Variants in SHROOM3 observed in about 807,000 individuals in gnomAD.
SHROOM3 encodes the protein protein Shroom3.
In SHROOM3, 47 loss-of-function variants were observed where a neutral mutation model predicts 138.6. The observed-to-expected ratio is 0.34, with a 90% CI of 0.27 to 0.43. SHROOM3 has a LOEUF of 0.43. Ranked by LOEUF, SHROOM3 falls within the 20% of genes least tolerant of loss-of-function variation. The pLI, the probability that SHROOM3 is intolerant of heterozygous loss-of-function variation, is 1.00. For missense variants in SHROOM3, 2,491 were observed against 2,596.5 expected, an observed-to-expected ratio of 0.96 and a Z score of 0.88; for synonymous variants, 1,062 against 1,063.3, an observed-to-expected ratio of 1.00 and a Z score of 0.02.
At chr4:76,676,824 T>C (rs1719044335) in intron 2 of SHROOM3, among the ~76,000 whole-genome samples, 1 of 151,494 alleles carries the variant, frequency 6.6e-6, no homozygotes, top group Admixed American at 6.6e-5. Flanking sequence ...GCGCCTGTAG[T>C]CCCAGCTACT....
chr4:76,769,210 G>C (rs899045918), intron 9 of SHROOM3, among the ~76,000 whole-genome samples: 2 of 151,250 alleles, frequency 1.3e-5, no homozygotes, highest in African/African-American at 4.9e-5. Context: ...AGCCAGTTTG[G>C]GGTGTGCATG....
Position 76,756,409 on chromosome 4 carries a change from C to G in SHROOM3, c.4710-40C>G, listed in dbSNP as rs746844468. On this transcript the variant is annotated intron_variant, in intron 7 of 10. Transcript: ENST00000296043. ...CCTTCTCTTATCACTCTCTCTTTCT[C>G]TCTCTCTCTTTTTTTTTTTTTTTTA... 33 of 1,494,640 alleles carry G rather than the reference C, an allele frequency of 2.2e-5. No homozygotes were observed. The Middle Eastern group carries it at 6.9e-4, about 31-fold the overall frequency. 92.6% of individuals were successfully genotyped at this position (1,494,640 alleles called of 1,614,324 possible).
intron 2 of SHROOM3, among the ~76,000 whole-genome samples, chr4:76,701,035 T>C (rs1387884611): frequency 6.6e-6 from 1 of 152,210 alleles, no homozygotes; most frequent in African/African-American, 2.4e-5. Context: ...TCTGCCTGCT[T>C]TGGCCTCCCA....
At chr4:76,573,021 C>T (rs1281640247) in intron 2 of SHROOM3, among the ~76,000 whole-genome samples, 1 of 151,476 alleles carries the variant, frequency 6.6e-6, no homozygotes, top group East Asian at 1.9e-4. Context: ...GGAGAGGTTG[C>T]AGTGAGCTGA....
chr4:76,626,088 T>C (rs1411760690), intron 2 of SHROOM3, among the ~76,000 whole-genome samples: 1 of 152,210 alleles, frequency 6.6e-6, no homozygotes, highest in African/African-American at 2.4e-5. Flanking sequence ...GGCAGCTCTT[T>C]ATAGCATTAT....
intron 2 of SHROOM3, among the ~76,000 whole-genome samples, chr4:76,634,382 C>T (rs1014347969): frequency 6.6e-6 from 1 of 152,166 alleles, no homozygotes; most frequent in East Asian, 1.9e-4. Context: ...TTGTTCTAAT[C>T]TGAAAATGAC....
At chr4:76,747,640 T>C (rs2110139090) in intron 5 of SHROOM3, among the ~76,000 whole-genome samples, 1 of 152,264 alleles carries the variant, frequency 6.6e-6, no homozygotes, top group Non-Finnish European at 1.5e-5. Context: ...GGACCTAGGC[T>C]TTTCCAATTA....
chr4:76,586,496 C>T (rs375467647), intron 2 of SHROOM3: 7 of 980,402 alleles, frequency 7.1e-6, no homozygotes, highest in Middle Eastern at 5.3e-4. Context: ...CCAACGATTT[C>T]TCGATGACAT....
At chr4:76,480,570 A>G (rs1731587408) in intron 1 of SHROOM3, among the ~76,000 whole-genome samples, 1 of 152,186 alleles carries the variant, frequency 6.6e-6, no homozygotes, top group Non-Finnish European at 1.5e-5. Context: ...TCAATATTAG[A>G]TCAGTGAGAC....
chr4:76,774,953 A>G (rs1185848776), intron 10 of SHROOM3, among the ~76,000 whole-genome samples: 1 of 151,794 alleles, frequency 6.6e-6, no homozygotes, highest in Non-Finnish European at 1.5e-5. Flanking sequence ...AATTTTCCAC[A>G]ATCACTTTTT....
chr4:76,514,588 C>T (rs1365211181), intron 1 of SHROOM3, among the ~76,000 whole-genome samples: 3 of 152,108 alleles, frequency 2.0e-5, no homozygotes, highest in African/African-American at 7.2e-5. Context: ...AGTTCCACAA[C>T]TCTGTAAATA....
At position 76,482,182 on chromosome 4, in the gene SHROOM3, G is replaced by C. The variant is rs532950684; in HGVS notation, c.168+45962G>C. Among the ~76,000 whole-genome samples, 6 of 151,960 alleles carry C rather than the reference G, an allele frequency of 3.9e-5. No homozygotes were observed. In the South Asian group the frequency reaches 1.0e-3, roughly 26 times the overall value. On this transcript the variant is annotated intron_variant, in intron 1 of 10. Transcript: ENST00000296043. The stretch of plus-strand genomic sequence containing the variant: ...CAATCAGGCAAGAGAAAGAAATAAA[G>C]GGTATTCAAATAAGAAGAGAGGAAG...
chr4:76,526,260 G>A (rs998329812), intron 1 of SHROOM3, among the ~76,000 whole-genome samples: 11 of 152,236 alleles, frequency 7.2e-5, no homozygotes, highest in Admixed American at 4.6e-4. Context: ...CCAGCTACTC[G>A]GGAGGCTGAG....
At chr4:76,659,822 T>A (rs1185332041) in intron 2 of SHROOM3, among the ~76,000 whole-genome samples, 3 of 152,174 alleles carry the variant, frequency 2.0e-5, no homozygotes, top group Non-Finnish European at 4.4e-5. Context: ...CATCAGGTGA[T>A]CCACCCTTCT....
intron 2 of SHROOM3, among the ~76,000 whole-genome samples, chr4:76,622,057 C>T (rs1401768218): frequency 1.3e-5 from 2 of 152,022 alleles, no homozygotes; most frequent in Non-Finnish European, 2.9e-5. Context: ...TCTTGAACTC[C>T]TTACCTCAGG....
chr4:76,500,751 T>A (rs1732074495), intron 1 of SHROOM3, among the ~76,000 whole-genome samples: 1 of 152,088 alleles, frequency 6.6e-6, no homozygotes, highest in South Asian at 2.1e-4. Flanking sequence ...CATTTGAATA[T>A]CTTTGGTAAA....
intron 1 of SHROOM3, among the ~76,000 whole-genome samples, chr4:76,473,152 G>A (rs570232516): frequency 2.0e-5 from 3 of 152,282 alleles, no homozygotes; most frequent in Admixed American, 1.3e-4. Flanking sequence ...AGCAATCAAA[G>A]TTAAAATAGA....
chr4:76,467,351 T>C (rs911660348), intron 1 of SHROOM3, among the ~76,000 whole-genome samples: 1 of 152,094 alleles, frequency 6.6e-6, no homozygotes, highest in African/African-American at 2.4e-5. Context: ...CCAGCTCCCA[T>C]GTCATCATTT....
chr4:76,780,673 A>G lies in SHROOM3; in HGVS notation c.*1496A>G, dbSNP rs1722710738. 6.6e-6 allele frequency: 1 copy of G among 152,244 alleles called. No homozygotes were observed. Among genetic ancestry groups the G allele is most frequent in the African/African-American group, 2.4e-5 (1 of 41,456 alleles). The allele number at this position is 152,244 out of a possible 1,614,324, so 9.4% of individuals were successfully genotyped here. A position where few individuals can be genotyped will look rare whatever the true frequency, so the allele number is the denominator to read the frequency against. ...TCTCCAGTAGAGATGTCTTTTGATT[A>G]ACTTATAAACAACTGGCCACCCAGA... On this transcript the variant is annotated 3_prime_UTR_variant, in exon 11 of 11. Coordinates refer to ENST00000296043, the MANE Select transcript of SHROOM3 (RefSeq NM_020859.4).
Sources: allele counts gnomAD v4.1 joint callset (sites outside exome capture counted in the v4.1 genomes callset), GRCh38; gene constraint gnomAD v4.1.1; transcripts MANE v1.5; gene names NCBI Gene and HGNC (gene_info 2026-07-23, HGNC 2026-07-21).